MB21D2: variants seen among roughly 807,000 people sequenced by gnomAD.
MB21D2 encodes the protein nucleotidyltransferase MB21D2.
Under a neutral mutation model 33.3 loss-of-function variants are expected in MB21D2, and 9 were observed. The ratio of observed to expected loss-of-function variants is 0.27; its 90% confidence interval spans 0.16 to 0.47. The LOEUF (loss-of-function observed/expected upper bound fraction) is 0.47. MB21D2 is among the 20% of genes least tolerant of loss of function. MB21D2 has a pLI of 0.99. For missense variants in MB21D2, 540 were observed against 624.6 expected (o/e 0.86, Z 1.44); for synonymous variants, 241 against 236.3 (o/e 1.02, Z -0.18).
intron 1 of MB21D2, among the ~76,000 whole-genome samples, chr3:192,823,944 GAA>G (rs911756384): frequency 2.6e-5 from 4 of 152,016 alleles, no homozygotes; most frequent in African/African-American, 9.7e-5. Context: ...AACCTTTGAG[GAA>G]AAGACAGTGA....
chr3:192,859,414 C>T (rs775817905), intron 1 of MB21D2, among the ~76,000 whole-genome samples: 37 of 152,140 alleles, frequency 2.4e-4, no homozygotes, highest in Middle Eastern at 6.8e-3. Flanking sequence ...AGATGAGGAG[C>T]GGGGGAAGAA....
intron 1 of MB21D2, among the ~76,000 whole-genome samples, chr3:192,866,325 C>G (rs947262674): frequency 2.6e-5 from 4 of 152,148 alleles, no homozygotes; most frequent in African/African-American, 7.2e-5. Context: ...CTAAAAACAT[C>G]ACTGGCAAAG....
intron 1 of MB21D2, among the ~76,000 whole-genome samples, chr3:192,854,045 G>A (rs765473491): frequency 3.9e-5 from 6 of 152,168 alleles, no homozygotes; most frequent in Non-Finnish European, 8.8e-5. Flanking sequence ...AGTTAGGCCA[G>A]TGCATAATCC....
In MB21D2 at chr3:192,871,521, G is replaced by A. The variant is rs376204039; in HGVS notation, c.211+46109C>T. ...AGAAGAGCTGATATTGTATAACAACGAATAGACATTAGAGGTGCAGGTATG... is the reference window on the plus strand; with the variant it reads ...AGAAGAGCTGATATTGTATAACAACAAATAGACATTAGAGGTGCAGGTATG... On this transcript the variant is annotated intron_variant, in intron 1 of 1. Coordinates refer to ENST00000392452, the MANE Select transcript of MB21D2 (RefSeq NM_178496.4). Among the ~76,000 whole-genome samples the A allele has an allele frequency of 6.6e-5, 10 of 152,288 alleles. No individual in the cohort carries two copies. In the East Asian group the frequency reaches 9.6e-4, roughly 15 times the overall value.
intron 1 of MB21D2, among the ~76,000 whole-genome samples, chr3:192,880,478 G>A (rs908682098): frequency 6.6e-6 from 1 of 152,110 alleles, no homozygotes; most frequent in Non-Finnish European, 1.5e-5. Flanking sequence ...GAGGAAGCAG[G>A]ATGAGGCAGA....
chr3:192,879,540 T>C (rs951754972), intron 1 of MB21D2, among the ~76,000 whole-genome samples: 7 of 152,328 alleles, frequency 4.6e-5, no homozygotes, highest in East Asian at 3.9e-4. Flanking sequence ...GAGATTACGA[T>C]TTCCCCTGGA....
Position 192,881,865 on chromosome 3 carries a change from A to G in MB21D2, c.211+35765T>C, listed in dbSNP as rs1713604297. On this transcript the variant is annotated intron_variant, in intron 1 of 1. Coordinates refer to ENST00000392452, the MANE Select transcript of MB21D2 (RefSeq NM_178496.4). ...TTTATCTGTTCTTGTCCCCAAAAGT[A>G]TTGAACTCTGGTTGTCATTCTCTGT... Among the ~76,000 whole-genome samples, 4 of 152,124 alleles carry G rather than the reference A, an allele frequency of 2.6e-5. 1 individual carries two copies. Among genetic ancestry groups the G allele is most frequent in the Admixed American group, 2.6e-4 (4 of 15,280 alleles).
At chr3:192,830,015 A>G (rs747574119) in intron 1 of MB21D2, among the ~76,000 whole-genome samples, 7 of 152,276 alleles carry the variant, frequency 4.6e-5, no homozygotes, top group South Asian at 4.1e-4. Context: ...GGTGCATGCC[A>G]CAATACCCAG....
chr3:192,824,390 G>A (rs1232295054), intron 1 of MB21D2, among the ~76,000 whole-genome samples: 2 of 151,874 alleles, frequency 1.3e-5, no homozygotes, highest in Non-Finnish European at 2.9e-5. Context: ...GATTATGAGA[G>A]GAAGCTTCTA....
chr3:192,880,333 T>C (rs142799071), intron 1 of MB21D2, among the ~76,000 whole-genome samples: 1,812 of 152,022 alleles, frequency 0.012, 54 homozygotes, highest in African/African-American at 0.042. Context: ...GGTGACAGTG[T>C]GAGAATCCAT....
At position 192,798,839 on chromosome 3, in the gene MB21D2, G is replaced by A; in HGVS notation, c.1023C>T (p.Asp341=). 1.2e-6 allele frequency: 2 copies of A among 1,612,274 alleles called. No homozygotes were observed. The highest frequency in any genetic ancestry group is 8.5e-7 in the Non-Finnish European group (1 of 1,179,572). ...HLRSMMLWAC[D]RLPANYLAQE... ...GAGCCAAGTAGTTGGCAGGAAGTCT[G>A]TCGCAGGCCCAGAGCATCATGCTCC... is the stretch of plus-strand genomic sequence containing the variant. Residue 341 remains aspartate, a synonymous_variant, in exon 2 of 2, where the codon GAC becomes GAT. Coordinates refer to ENST00000392452, the MANE Select transcript of MB21D2 (RefSeq NM_178496.4). The surrounding 1 kb of genome is among the most constrained non-coding windows in gnomAD (Gnocchi z 4.8).
intron 1 of MB21D2, among the ~76,000 whole-genome samples, chr3:192,836,125 CT>C (rs1210664437): frequency 6.6e-6 from 1 of 152,182 alleles, no homozygotes; most frequent in Non-Finnish European, 1.5e-5. Flanking sequence ...GTATCCCTCC[CT>C]GGACCTCAGC....
At chr3:192,853,732 T>C (rs1712855543) in intron 1 of MB21D2, among the ~76,000 whole-genome samples, 1 of 152,192 alleles carries the variant, frequency 6.6e-6, no homozygotes, top group African/African-American at 2.4e-5. Context: ...TCTCAGATAG[T>C]TGTGTTTTTT....
chr3:192,913,980 C>CA (rs1714409520), intron 1 of MB21D2, among the ~76,000 whole-genome samples: 1 of 152,218 alleles, frequency 6.6e-6, no homozygotes, highest in African/African-American at 2.4e-5. Context: ...TACTTGAACT[C>CA]AGACTGTTCC....
chr3:192,837,591 T>TC (rs1185590322), intron 1 of MB21D2, among the ~76,000 whole-genome samples: 1 of 152,180 alleles, frequency 6.6e-6, no homozygotes, highest in African/African-American at 2.4e-5. Context: ...CAGACCTGAA[T>TC]CAAGGAAAGG....
chr3:192,797,109 C>CCA lies in MB21D2; in HGVS notation c.*1275_*1276dup, dbSNP rs1720539322. 1 of 152,532 alleles carries CCA rather than the reference C, an allele frequency of 6.6e-6. No individual in the cohort carries two copies. Among genetic ancestry groups the CCA allele is most frequent in the South Asian group, 2.1e-4 (1 of 4,828 alleles). The allele number at this position is 152,532 out of a possible 1,614,324, so 9.4% of individuals were successfully genotyped here. ...CATGAGTCCACACCAAAACAGGGAGCCAATACCTTCCAGCACCTAATCAGG... is the reference window on the plus strand; with the variant it reads ...CATGAGTCCACACCAAAACAGGGAGCCACAATACCTTCCAGCACCTAATCAGG... On this transcript the variant is annotated 3_prime_UTR_variant, in exon 2 of 2. Transcript: ENST00000392452.
chr3:192,852,208 A>G (rs1241972814), intron 1 of MB21D2, among the ~76,000 whole-genome samples: 1 of 152,204 alleles, frequency 6.6e-6, no homozygotes, highest in African/African-American at 2.4e-5. Flanking sequence ...TCACACTCAG[A>G]GACACCACTC....
At chr3:192,849,334 T>TGGGGGGGGGGGGGGGGGGGGGG (rs1712741972) in intron 1 of MB21D2, among the ~76,000 whole-genome samples, 1 of 76,798 alleles carries the variant, frequency 1.3e-5, no homozygotes, top group Non-Finnish European at 2.6e-5. Flanking sequence ...GGGCGGGGGG[T>TGGGGGGGGGGGGGGGGGGGGGG]GGGGGTGGAG....
intron 1 of MB21D2, among the ~76,000 whole-genome samples, chr3:192,856,986 C>G (rs2108631961): frequency 6.6e-6 from 1 of 151,888 alleles, no homozygotes; most frequent in African/African-American, 2.4e-5. Context: ...AAAACATAAG[C>G]AAAGGAAAAA....
Sources: gnomAD v4.1 joint callset for allele counts (sites outside exome capture counted in the v4.1 genomes callset) on GRCh38, gnomAD v4.1.1 for gene constraint, Gnocchi (gnomAD v3.1) non-coding constraint, MANE v1.5 for transcripts, NCBI Gene and HGNC (gene_info 2026-07-23, HGNC 2026-07-21) for gene names.